Variants in GRID2 observed in about 807,000 individuals in gnomAD.
GRID2 encodes glutamate receptor ionotropic, delta-2.
In GRID2, 33 loss-of-function variants were observed where a neutral mutation model predicts 114.8. The ratio of observed to expected loss-of-function variants is 0.29; its 90% confidence interval spans 0.22 to 0.38. GRID2 has a LOEUF of 0.38. Among genes scored for constraint, GRID2 ranks in the 10% least tolerant of loss-of-function variants. The probability of loss-of-function intolerance (pLI) is 1.00; values close to 1 mark genes in which losing one functional copy is unlikely to be tolerated. For missense variants in GRID2, 1,184 were observed against 1,257.7 expected (o/e 0.94, Z 0.89); for synonymous variants, 505 against 449.9 (o/e 1.12, Z -1.55).
chr4:93,690,281 A>G (rs1295510890), intron 14 of GRID2, among the ~76,000 whole-genome samples: 1 of 152,012 alleles, frequency 6.6e-6, no homozygotes, highest in Non-Finnish European at 1.5e-5. Context: ...AAAAACGCAC[A>G]ATAAGATAAC....
intron 8 of GRID2, among the ~76,000 whole-genome samples, chr4:93,324,803 G>C (rs536629056): frequency 6.6e-6 from 1 of 152,248 alleles, no homozygotes; most frequent in South Asian, 2.1e-4. Flanking sequence ...ATGTCTTCTA[G>C]ATTTTCTAGT....
chr4:92,356,751 G>A (rs146994410), intron 1 of GRID2, among the ~76,000 whole-genome samples: 15 of 151,772 alleles, frequency 9.9e-5, no homozygotes, highest in African/African-American at 3.4e-4. Flanking sequence ...CAGTGACATT[G>A]TTTCTATAGT....
intron 13 of GRID2, among the ~76,000 whole-genome samples, chr4:93,536,352 C>T (rs1417534640): frequency 1.3e-5 from 2 of 151,848 alleles, no homozygotes; most frequent in Non-Finnish European, 2.9e-5. Flanking sequence ...GGCATAAAAA[C>T]AGACACATAG....
At chr4:92,561,955 A>G (rs1727123132) in intron 1 of GRID2, among the ~76,000 whole-genome samples, 1 of 152,216 alleles carries the variant, frequency 6.6e-6, no homozygotes, top group Non-Finnish European at 1.5e-5. Context: ...TATTTATAAA[A>G]TCACATTATG....
At chr4:93,370,340 A>T (rs966350045) in intron 8 of GRID2, among the ~76,000 whole-genome samples, 3 of 151,654 alleles carry the variant, frequency 2.0e-5, no homozygotes, top group African/African-American at 7.3e-5. Context: ...ATCACTTAAC[A>T]TTCCTCTCCT....
At chr4:92,852,022 A>C (rs1031741511) in intron 2 of GRID2, among the ~76,000 whole-genome samples, 1 of 151,942 alleles carries the variant, frequency 6.6e-6, no homozygotes, top group Non-Finnish European at 1.5e-5. Context: ...GTCTGTGCAG[A>C]AGGGGAAGAA....
intron 6 of GRID2, among the ~76,000 whole-genome samples, 184 bp from the exon 7 acceptor site, chr4:93,224,430 A>G (rs537831127): frequency 6.6e-6 from 1 of 152,290 alleles, no homozygotes; most frequent in Non-Finnish European, 1.5e-5. Context: ...GCATACAATC[A>G]GACAAGACTT....
chr4:92,305,905 A>G (rs556850863), intron 1 of GRID2, among the ~76,000 whole-genome samples: 10 of 152,164 alleles, frequency 6.6e-5, no homozygotes, highest in African/African-American at 2.2e-4. Context: ...CTTTGGGGGA[A>G]TTTTTCTGGG....
chr4:93,154,992 G>T (rs1424245794), intron 4 of GRID2, among the ~76,000 whole-genome samples: 1 of 151,534 alleles, frequency 6.6e-6, no homozygotes, highest in Admixed American at 6.6e-5. Context: ...CATTGTATTG[G>T]TCATCTTTGC....
chr4:92,411,762 G>A (rs1023183096), intron 1 of GRID2, among the ~76,000 whole-genome samples: 5 of 150,562 alleles, frequency 3.3e-5, no homozygotes, highest in African/African-American at 4.9e-5. Flanking sequence ...CTGGAGTGCA[G>A]TGGCGCGATC....
intron 14 of GRID2, among the ~76,000 whole-genome samples, chr4:93,758,711 T>A (rs924583619): frequency 2.0e-5 from 3 of 152,200 alleles, no homozygotes; most frequent in East Asian, 1.9e-4. Context: ...TATGAAAATA[T>A]ACATAAATGC....
chr4:93,205,384 AC>A (rs1381376961), intron 4 of GRID2, among the ~76,000 whole-genome samples: 7 of 151,948 alleles, frequency 4.6e-5, no homozygotes, highest in Non-Finnish European at 1.0e-4. Flanking sequence ...TTTAATTCCC[AC>A]CTATGAGTAA....
At chr4:92,791,991 T>A (rs139090550) in intron 2 of GRID2, among the ~76,000 whole-genome samples, 37 of 152,000 alleles carry the variant, frequency 2.4e-4, no homozygotes, top group African/African-American at 8.4e-4. Context: ...AACTCCAGGC[T>A]GTCTTGTTTC....
rs1195033854 is a variant in GRID2 at position 93,089,731 on chromosome 4, A to AT, written c.529+4456dup. Among the ~76,000 whole-genome samples, 12 of 152,222 alleles carry AT rather than the reference A, an allele frequency of 7.9e-5. No individual in the cohort carries two copies. The East Asian group carries it at 1.7e-3, about 22-fold the overall frequency. On this transcript the variant is annotated intron_variant, in intron 3 of 15. Coordinates refer to ENST00000282020, the MANE Select transcript of GRID2 (RefSeq NM_001510.4). ...TGTCAGAAATTGTAAAAGGTTGGGA[A>AT]TTTTATCCTATTTGCAAGCTAGCAA...
rs932704604 is a variant in GRID2, at chr4:92,878,420, T to C, written c.245-206575T>C. ...ATCGACTTCAATAAATTTGATCTTA[T>C]TGTTTGTTTAGAGTAATATTGGTGT... On this transcript the variant is annotated intron_variant, in intron 2 of 15. Coordinates refer to ENST00000282020, the MANE Select transcript of GRID2 (RefSeq NM_001510.4). 2.0e-5 allele frequency among the ~76,000 whole-genome samples: 3 copies of C among 152,230 alleles called. 1 individual carries two copies. The highest frequency in any genetic ancestry group is 3.9e-4 in the East Asian group (2 of 5,174).
intron 2 of GRID2, among the ~76,000 whole-genome samples, chr4:92,788,699 T>G (rs914291865): frequency 5.9e-5 from 9 of 151,896 alleles, no homozygotes; most frequent in African/African-American, 2.2e-4. Flanking sequence ...GATTGAACAC[T>G]TTTTCATATG....
intron 11 of GRID2, among the ~76,000 whole-genome samples, chr4:93,465,581 A>C (rs1724188031): frequency 6.6e-6 from 1 of 152,214 alleles, no homozygotes; most frequent in African/African-American, 2.4e-5. Context: ...TCATGGATAT[A>C]AAACTATTAG....
chr4:93,474,916 A>G (rs528128325), intron 11 of GRID2, among the ~76,000 whole-genome samples: 1 of 152,198 alleles, frequency 6.6e-6, no homozygotes, highest in Non-Finnish European at 1.5e-5. Context: ...CTTAACAAAT[A>G]GAGGCTTTCA....
At chr4:92,622,337 T>C (rs1431257644) in intron 2 of GRID2, among the ~76,000 whole-genome samples, 1 of 151,754 alleles carries the variant, frequency 6.6e-6, no homozygotes, top group East Asian at 1.9e-4. Context: ...TGAATTTTCT[T>C]ATAACTTTAA....
Sources: gnomAD v4.1 joint callset for allele counts (sites outside exome capture counted in the v4.1 genomes callset) on GRCh38, gnomAD v4.1.1 for gene constraint, MANE v1.5 for transcripts, NCBI Gene and HGNC (gene_info 2026-07-23, HGNC 2026-07-21) for gene names.